The following ZNF565 variants were observed in gnomAD, a reference collection of about 807,000 sequenced individuals.
ZNF565 encodes zinc finger protein 565.
In ZNF565, 27 loss-of-function variants were observed where a neutral mutation model predicts 39.4. The ratio of observed to expected loss-of-function variants is 0.69; its 90% CI spans 0.51 to 0.95. The LOEUF (loss-of-function observed/expected upper bound fraction) is 0.95, where lower values mean the gene tolerates loss of function less well. ZNF565 is among the 40% of genes least tolerant of loss of function. ZNF565 has a pLI of 0.00. For missense variants in ZNF565, 524 were observed against 621.1 expected (o/e 0.84, Z 1.66); for synonymous variants, 185 against 216.6 (o/e 0.85, Z 1.28).
intron 4 of ZNF565, among the ~76,000 whole-genome samples, chr19:36,186,681 C>T (rs370900063): frequency 6.6e-6 from 1 of 151,852 alleles, no homozygotes; most frequent in East Asian, 1.9e-4. Flanking sequence ...TCCAGGTATT[C>T]AGAAGGCTGA....
intron 1 of ZNF565, among the ~76,000 whole-genome samples, chr19:36,211,937 G>T (rs1237900019): frequency 6.6e-6 from 1 of 152,108 alleles, no homozygotes; most frequent in Admixed American, 6.6e-5. Flanking sequence ...GATGAAAGGA[G>T]GATAAGAAAC....
In ZNF565 at chr19:36,245,883, G is replaced by C. The variant is rs530998942; in HGVS notation, c.-353C>G. ...TGGGTGCGGGGCCTTGGCTCAGGCG[G>C]AACCCGACCGGGATCGCCCCGCGAG... On this transcript the variant is annotated 5_prime_UTR_variant, in exon 1 of 5. Transcript: ENST00000355114. This position sits in a 1 kb window ranked among gnomAD's most constrained non-coding sequence, Gnocchi z 4.4. The C allele has an allele frequency of 1.9e-4, 50 of 265,150 alleles. No homozygotes were observed. Among genetic ancestry groups the C allele is most frequent in the African/African-American group, 1.0e-3 (47 of 44,860 alleles). 16.4% of individuals were successfully genotyped at this position (265,150 alleles called of 1,614,324 possible). A position where few individuals can be genotyped will look rare whatever the true frequency, so the allele number is the denominator to read the frequency against.
intron 1 of ZNF565, among the ~76,000 whole-genome samples, chr19:36,229,074 A>G (rs1390111880): frequency 6.6e-6 from 1 of 152,190 alleles, no homozygotes; most frequent in Non-Finnish European, 1.5e-5. Context: ...CTGTGCCGCC[A>G]CTGTGGTGGC....
chr19:36,194,238 C>T lies in ZNF565; in HGVS notation c.227G>A (p.Cys76Tyr), dbSNP rs767827591. Residue 76 changes from cysteine (C) to tyrosine (Y), a missense_variant, in exon 4 of 5, where the codon TGC becomes TAC. By Grantham distance (194) the Cys-to-Tyr change is radical. Transcript: ENST00000304116. ...MIANDVTGPWCPDLESRCEKF... is the reference protein window; with the variant it reads ...MIANDVTGPWYPDLESRCEKF... ...CGAAATCGGCCCTCGCTTACCTGGG[C>T]ACCATGGTCCTGTCACATCATTTGC... 1.9e-6 allele frequency: 3 copies of T among 1,610,978 alleles called. No homozygotes were observed. The highest frequency in any genetic ancestry group is 2.2e-5 in the South Asian group (2 of 90,358).
intron 1 of ZNF565, among the ~76,000 whole-genome samples, chr19:36,244,225 G>C (rs1018199607): frequency 2.6e-5 from 4 of 152,196 alleles, no homozygotes; most frequent in Non-Finnish European, 5.9e-5. Flanking sequence ...GTCTGGTCTT[G>C]TGAAAACGTG....
chr19:36,215,904 TTATC>T (rs1976583139), upstream of ZNF565, among the ~76,000 whole-genome samples: 2 of 152,180 alleles, frequency 1.3e-5, no homozygotes, highest in Non-Finnish European at 1.5e-5. Flanking sequence ...GTTGCAGTGT[TTATC>T]TATGAGTCTG....
chr19:36,228,123 G>T (rs1414507725), intron 1 of ZNF565, among the ~76,000 whole-genome samples: 1 of 142,616 alleles, frequency 7.0e-6, no homozygotes, highest in African/African-American at 2.6e-5. Context: ...TTGCACAATT[G>T]CACTCTAGCC....
rs748785942 is a variant in ZNF565 at position 36,182,819 on chromosome 19, T to A, written c.1147A>T (p.Arg383Ter). ...TAGGGTCTGTCGCCAGTATGGACTC[T>A]CTGATGTCGTGTGAGCTGTGCGTGC... is the stretch of plus-strand genomic sequence containing the variant. ...RQHAQLTRHQ[R>*]VHTGDRPYEC... Residue 383 changes from arginine to a stop codon, truncating the protein, a stop_gained, in exon 5 of 5, where the codon AGA becomes TGA. Coordinates refer to ENST00000304116, the MANE Select transcript of ZNF565 (RefSeq NM_152477.5). LOFTEE classifies it high-confidence loss of function. 6.2e-7 allele frequency: 1 copy of A among 1,613,870 alleles called. No individual in the cohort carries two copies. The highest frequency in any genetic ancestry group is 1.3e-5 in the African/African-American group (1 of 74,828).
At chr19:36,238,855 G>T (rs1479794212) in intron 1 of ZNF565, 1 of 161,566 alleles carries the variant, frequency 6.2e-6, no homozygotes, top group Non-Finnish European at 1.5e-5. Context: ...GGAGGTGAGT[G>T]GCGGGTGAGC....
At chr19:36,229,461 C>G (rs1227993954) in intron 1 of ZNF565, among the ~76,000 whole-genome samples, 1 of 152,188 alleles carries the variant, frequency 6.6e-6, no homozygotes, top group Non-Finnish European at 1.5e-5. Context: ...CCTCCTGCCT[C>G]AGACTCCCGA....
chr19:36,221,464 A>G (rs1276645696), intron 1 of ZNF565, among the ~76,000 whole-genome samples: 1 of 151,426 alleles, frequency 6.6e-6, no homozygotes, highest in African/African-American at 2.4e-5. Flanking sequence ...AATTTTTTGT[A>G]TTTTTAGTAG....
intron 2 of ZNF565, 143 bp from the exon 3 acceptor site, chr19:36,195,299 A>G: frequency 2.0e-6 from 2 of 978,640 alleles, no homozygotes; most frequent in Non-Finnish European, 3.0e-6. Flanking sequence ...ACAGTTAACA[A>G]GGTGTACCCT....
upstream of ZNF565, among the ~76,000 whole-genome samples, chr19:36,217,032 C>G (rs1019694623): frequency 2.9e-5 from 4 of 139,738 alleles, no homozygotes; most frequent in Admixed American, 7.4e-5. Context: ...AGCATTCCAG[C>G]TTGGTGGACA....
chr19:36,201,163 GTGGTGGCATGTGGCTCTGGTCCT>G (rs1169367014), intron 2 of ZNF565, among the ~76,000 whole-genome samples: 1 of 152,116 alleles, frequency 6.6e-6, no homozygotes, highest in Non-Finnish European at 1.5e-5. Flanking sequence ...TTAGCTGGTA[GTGGTGGCATGTGGCTCTGGTCCT>G]AGCTACTTGG....
intron 1 of ZNF565, among the ~76,000 whole-genome samples, chr19:36,220,538 G>T (rs539955077): frequency 1.3e-5 from 2 of 151,994 alleles, no homozygotes; most frequent in African/African-American, 4.8e-5. Flanking sequence ...CTAAGTTTTT[G>T]TATTTTTAGT....
chr19:36,212,484 C>T (rs965744916), intron 1 of ZNF565, among the ~76,000 whole-genome samples: 6 of 151,936 alleles, frequency 3.9e-5, no homozygotes, highest in Admixed American at 1.3e-4. Flanking sequence ...CAGCTGGGCA[C>T]GATGGCATTT....
At chr19:36,197,306 A>C (rs993295916) in intron 2 of ZNF565, among the ~76,000 whole-genome samples, 8 of 150,950 alleles carry the variant, frequency 5.3e-5, no homozygotes, top group African/African-American at 2.0e-4. Flanking sequence ...ACAACAACAA[A>C]ACCCCCAAAA....
upstream of ZNF565, among the ~76,000 whole-genome samples, chr19:36,218,548 C>G (rs868029049): frequency 1.3e-5 from 2 of 151,750 alleles, no homozygotes; most frequent in Non-Finnish European, 2.9e-5. Context: ...TCACTGCAGG[C>G]TCTGCCTCCC....
chr19:36,208,228 G>A (rs1258220092), intron 1 of ZNF565, among the ~76,000 whole-genome samples: 1 of 144,892 alleles, frequency 6.9e-6, no homozygotes, highest in African/African-American at 2.8e-5. Context: ...TTTTTGGCAG[G>A]GCAGGGACAG....
Sources: allele counts gnomAD v4.1 joint callset (sites outside exome capture counted in the v4.1 genomes callset), GRCh38; gene constraint gnomAD v4.1.1; non-coding constraint Gnocchi (gnomAD v3.1); transcripts MANE v1.5; gene names NCBI Gene and HGNC (gene_info 2026-07-23, HGNC 2026-07-21).